Variants in TENM3 observed in about 807,000 individuals in gnomAD.
TENM3 encodes the protein teneurin transmembrane protein 3.
A neutral mutation model predicts 255.1 loss-of-function variants in TENM3; 63 were observed. The observed-to-expected ratio is 0.25, with a 90% confidence interval of 0.20 to 0.30. The LOEUF (loss-of-function observed/expected upper bound fraction) is 0.30, where lower values mean the gene tolerates loss of function less well. Ranked by LOEUF, TENM3 falls within the 10% of genes least tolerant of loss-of-function variation. TENM3 has a pLI of 1.00. For missense variants in TENM3, 2,929 were observed against 3,461.1 expected (o/e 0.85, Z 3.86); for synonymous variants, 1,306 against 1,322.3 (o/e 0.99, Z 0.27).
intron 4 of TENM3, among the ~76,000 whole-genome samples, chr4:182,628,011 G>A (rs1011291902): frequency 6.6e-6 from 1 of 152,030 alleles, no homozygotes; most frequent in African/African-American, 2.4e-5. Flanking sequence ...CCTACCCCCA[G>A]CAGGTTCACA....
At chr4:182,388,814 C>T (rs1488776732) in intron 3 of TENM3, among the ~76,000 whole-genome samples, 1 of 152,148 alleles carries the variant, frequency 6.6e-6, no homozygotes, top group African/African-American at 2.4e-5. Context: ...GTGTCACAAA[C>T]ACCAGAATCA....
At chr4:182,395,179 C>A (rs1768721296) in intron 3 of TENM3, among the ~76,000 whole-genome samples, 1 of 152,110 alleles carries the variant, frequency 6.6e-6, no homozygotes, top group Non-Finnish European at 1.5e-5. Context: ...ATGGATTTGT[C>A]CCTGATATGA....
chr4:182,035,971 T>A, the TENM3 span, among the ~76,000 whole-genome samples: 1 of 152,060 alleles, frequency 6.6e-6, no homozygotes, highest in South Asian at 2.1e-4. Context: ...CTCACCATTC[T>A]CCCTTCTATC....
At chr4:182,622,215 C>T (rs1750350768) in intron 4 of TENM3, among the ~76,000 whole-genome samples, 1 of 151,802 alleles carries the variant, frequency 6.6e-6, no homozygotes, top group Admixed American at 6.6e-5. Context: ...CAGAAATTAC[C>T]TGGCATGGTG....
At chr4:182,306,970 T>A (rs1306619786) in intron 1 of TENM3, among the ~76,000 whole-genome samples, 1 of 152,176 alleles carries the variant, frequency 6.6e-6, no homozygotes, top group Non-Finnish European at 1.5e-5. Context: ...GACCCCAAAG[T>A]CTCATTTACA....
intron 3 of TENM3, among the ~76,000 whole-genome samples, chr4:182,452,440 G>A (rs13132492): frequency 0.63 from 95,776 of 151,902 alleles, 30,367 homozygotes; most frequent in East Asian, 0.82. Context: ...CTGGTTCTTA[G>A]CTAACACAAC....
At chr4:182,784,085 T>C (rs568649322) in intron 24 of TENM3, among the ~76,000 whole-genome samples, 15 of 152,354 alleles carry the variant, frequency 9.8e-5, no homozygotes, top group Admixed American at 2.0e-4. Context: ...AGCTTTGTTC[T>C]GTTGCTGGTG....
the TENM3 span, among the ~76,000 whole-genome samples, chr4:181,692,413 T>C: frequency 2.6e-5 from 4 of 152,326 alleles, no homozygotes; most frequent in African/African-American, 7.2e-5. Context: ...GGATTTTAAA[T>C]TGTAGTCTAA....
intron 2 of TENM3, among the ~76,000 whole-genome samples, chr4:182,337,473 A>G (rs1764216161): frequency 6.6e-6 from 1 of 152,198 alleles, no homozygotes; most frequent in African/African-American, 2.4e-5. Context: ...CAGAGAAATG[A>G]AAATTAAAAC....
chr4:181,697,345 C>A, the TENM3 span, among the ~76,000 whole-genome samples: 1 of 152,172 alleles, frequency 6.6e-6, no homozygotes, highest in Non-Finnish European at 1.5e-5. Context: ...GCAGGAAGTG[C>A]ATCAAAGTGT....
At chr4:182,041,560 A>ATAATTTGAAAATT in the TENM3 span, among the ~76,000 whole-genome samples, 1 of 152,228 alleles carries the variant, frequency 6.6e-6, no homozygotes, top group Admixed American at 6.5e-5. Flanking sequence ...CCCTTGTTAT[A>ATAATTTGAAAATT]ATACAGCTGA....
upstream of TENM3, among the ~76,000 whole-genome samples, chr4:182,240,819 T>G (rs1255069572): frequency 6.6e-6 from 1 of 152,186 alleles, no homozygotes; most frequent in Non-Finnish European, 1.5e-5. Context: ...CAGAGGCTGC[T>G]GTTTTGCCTG....
Position 182,621,705 on chromosome 4 carries a change from A to ATGTATT in TENM3, c.750-6946_750-6945insTGTATT, listed in dbSNP as rs1750220904. Among the ~76,000 whole-genome samples the ATGTATT allele has an allele frequency of 6.9e-3, 5 of 724 alleles. 1 individual carries two copies. Among genetic ancestry groups the ATGTATT allele is most frequent in the African/African-American group, 8.0e-3 (5 of 624 alleles). 0.5% of individuals were successfully genotyped at this position (724 alleles called of 152,430 possible). Reference sequence around the variant, plus strand: ...AATATATAATATATATTATATATAAAATATATAATATATATTATATATAAA... The same window carrying ATGTATT: ...AATATATAATATATATTATATATAAATGTATTATATATAATATATATTATATATAAA... On this transcript the variant is annotated intron_variant, in intron 4 of 27. Transcript: ENST00000511685.
the TENM3 span, among the ~76,000 whole-genome samples, chr4:181,552,340 T>C: frequency 6.6e-6 from 1 of 152,222 alleles, no homozygotes; most frequent in East Asian, 1.9e-4. Flanking sequence ...AAATATATGA[T>C]GGCATATCGT....
At chr4:181,474,722 G>A in the TENM3 span, among the ~76,000 whole-genome samples, 4 of 141,166 alleles carry the variant, frequency 2.8e-5, no homozygotes, top group East Asian at 4.1e-4. Context: ...GTAACAGTGT[G>A]AGACTCCGTC....
chr4:181,521,261 T>C, the TENM3 span, among the ~76,000 whole-genome samples: 2 of 152,250 alleles, frequency 1.3e-5, no homozygotes, highest in Non-Finnish European at 2.9e-5. Flanking sequence ...TGGAGGAGCA[T>C]GGCAGCTTCT....
intron 1 of TENM3, among the ~76,000 whole-genome samples, chr4:182,221,877 G>A (rs1336342707): frequency 6.6e-6 from 1 of 152,156 alleles, no homozygotes; most frequent in Non-Finnish European, 1.5e-5. Flanking sequence ...TTTTAAGCAA[G>A]ATCCTATTTT....
chr4:182,603,714 T>C (rs527768446), intron 4 of TENM3, among the ~76,000 whole-genome samples: 4 of 150,294 alleles, frequency 2.7e-5, no homozygotes, highest in East Asian at 2.0e-4. Flanking sequence ...GACTTGTGTC[T>C]GCCTTTAACT....
the TENM3 span, among the ~76,000 whole-genome samples, chr4:181,662,684 C>T: frequency 6.6e-6 from 1 of 152,142 alleles, no homozygotes; most frequent in African/African-American, 2.4e-5. Context: ...TGTCTCATGT[C>T]AGCTGCATAA....
Sources: allele counts gnomAD v4.1 joint callset (sites outside exome capture counted in the v4.1 genomes callset), GRCh38; gene constraint gnomAD v4.1.1; transcripts MANE v1.5; gene names NCBI Gene and HGNC (gene_info 2026-07-23, HGNC 2026-07-21).